JAKMIP2: variants seen among roughly 807,000 people sequenced by gnomAD.
The protein encoded by JAKMIP2 is janus kinase and microtubule interacting protein 2.
A neutral mutation model predicts 115.0 loss-of-function variants in JAKMIP2; 25 were observed. The observed-to-expected ratio is 0.22, with a 90% CI of 0.16 to 0.30. JAKMIP2 has a LOEUF of 0.30. Among genes scored for constraint, JAKMIP2 ranks in the 10% least tolerant of loss-of-function variants. The probability of loss-of-function intolerance (pLI) is 1.00; values close to 1 mark genes in which losing one functional copy is unlikely to be tolerated. For synonymous variants in JAKMIP2, 334 were observed against 343.6 expected (o/e 0.97, Z 0.31); for missense variants, 642 against 957.6 (o/e 0.67, Z 4.35).
intron 1 of JAKMIP2, among the ~76,000 whole-genome samples, chr5:147,678,498 A>T (rs1376985299): frequency 6.6e-6 from 1 of 152,240 alleles, no homozygotes; most frequent in African/African-American, 2.4e-5. Context: ...ATAGTACTTT[A>T]TACCACATTC....
intron 1 of JAKMIP2, among the ~76,000 whole-genome samples, chr5:147,740,060 A>G (rs561786060): frequency 6.6e-6 from 1 of 152,342 alleles, no homozygotes; most frequent in African/African-American, 2.4e-5. Context: ...TCCTTTTTAA[A>G]TCAACTGGAA....
chr5:147,657,673 C>G (rs1340062194), intron 3 of JAKMIP2, among the ~76,000 whole-genome samples: 1 of 151,974 alleles, frequency 6.6e-6, no homozygotes, highest in African/African-American at 2.4e-5. Context: ...TAACATAGTC[C>G]CATATTTCTT....
chr5:147,603,810 T>C (rs1487664863), intron 20 of JAKMIP2, among the ~76,000 whole-genome samples: 3 of 152,226 alleles, frequency 2.0e-5, no homozygotes, highest in Admixed American at 6.5e-5. Flanking sequence ...AAAGTTTACA[T>C]TGAATTCCAA....
intron 1 of JAKMIP2, among the ~76,000 whole-genome samples, chr5:147,679,082 A>G (rs12652270): frequency 0.17 from 25,621 of 151,728 alleles, 2,765 homozygotes; most frequent in East Asian, 0.45. Context: ...CCAGGTTCAA[A>G]TAATTCTCAC....
At chr5:147,677,241 G>T (rs537885570) in intron 1 of JAKMIP2, among the ~76,000 whole-genome samples, 1 of 152,160 alleles carries the variant, frequency 6.6e-6, no homozygotes, top group African/African-American at 2.4e-5. Flanking sequence ...AGCTCACGAC[G>T]CAAGAACTAA....
intron 20 of JAKMIP2, among the ~76,000 whole-genome samples, chr5:147,602,085 C>T (rs1755725559): frequency 6.6e-6 from 1 of 152,104 alleles, no homozygotes; most frequent in African/African-American, 2.4e-5. Flanking sequence ...AAAATAAGCA[C>T]AGAGCAGTAA....
chr5:147,623,285 A>G (rs570612892), intron 17 of JAKMIP2, among the ~76,000 whole-genome samples: 1 of 150,822 alleles, frequency 6.6e-6, no homozygotes, highest in South Asian at 2.1e-4. Context: ...GGGATTTTTA[A>G]AATCAGAGTT....
intron 1 of JAKMIP2, among the ~76,000 whole-genome samples, chr5:147,735,428 G>C (rs553202635): frequency 6.6e-6 from 1 of 152,284 alleles, no homozygotes; most frequent in Admixed American, 6.5e-5. Context: ...AAGGTGGAAG[G>C]TAAATGAGGA....
At chr5:147,664,660 C>T (rs959895645) in intron 2 of JAKMIP2, among the ~76,000 whole-genome samples, 1 of 152,118 alleles carries the variant, frequency 6.6e-6, no homozygotes, top group Non-Finnish European at 1.5e-5. Context: ...GAAACACCTC[C>T]TTAGTAGCGG....
At chr5:147,628,673 G>T in intron 16 of JAKMIP2, 78 bp downstream of exon 16, 3 of 1,043,128 alleles carry the variant, frequency 2.9e-6, no homozygotes, top group Non-Finnish European at 4.5e-6. Context: ...CAGAGGGAAT[G>T]TCCTTCACAC....
chr5:147,630,627 A>C (rs1757311694), intron 14 of JAKMIP2, among the ~76,000 whole-genome samples: 1 of 152,168 alleles, frequency 6.6e-6, no homozygotes, highest in Non-Finnish European at 1.5e-5. Context: ...CCACCAGGAA[A>C]GGGAAAGTCT....
chr5:147,753,275 T>C (rs549153921), intron 1 of JAKMIP2, among the ~76,000 whole-genome samples: 7 of 152,304 alleles, frequency 4.6e-5, no homozygotes, highest in African/African-American at 1.7e-4. Context: ...GTAAGGCACT[T>C]AATACAAGTT....
At chr5:147,674,199 T>C (rs1759797785) in intron 1 of JAKMIP2, among the ~76,000 whole-genome samples, 1 of 152,210 alleles carries the variant, frequency 6.6e-6, no homozygotes, top group Admixed American at 6.5e-5. Context: ...GTCCCAGATA[T>C]AAGCCTAGAA....
At chr5:147,721,084 G>A (rs1341884117) in intron 1 of JAKMIP2, among the ~76,000 whole-genome samples, 1 of 151,994 alleles carries the variant, frequency 6.6e-6, no homozygotes, top group East Asian at 1.9e-4. Flanking sequence ...ACCCTCAGCT[G>A]CAGGTCTGTT....
Position 147,595,274 on chromosome 5 carries a change from T to A in JAKMIP2, c.*21-3588A>T, listed in dbSNP as rs548471508. 3.3e-5 allele frequency among the ~76,000 whole-genome samples: 5 copies of A among 152,288 alleles called. No individual in the cohort carries two copies. In the South Asian group the frequency reaches 1.0e-3, roughly 32 times the overall value. On this transcript the variant is annotated intron_variant, in intron 21 of 21. Coordinates refer to ENST00000616793, the MANE Select transcript of JAKMIP2 (RefSeq NM_001270941.2). Reference sequence around the variant, plus strand: ...CTCCAAAATTCATGCTGAAAGTTAATCCCCAGTGCAAGAGTATTAACAGGT... The same window carrying A: ...CTCCAAAATTCATGCTGAAAGTTAAACCCCAGTGCAAGAGTATTAACAGGT...
chr5:147,664,151 T>C (rs189184390), intron 2 of JAKMIP2, among the ~76,000 whole-genome samples: 1 of 152,364 alleles, frequency 6.6e-6, no homozygotes, highest in East Asian at 1.9e-4. Context: ...AATTCACAGA[T>C]ATGGCTTGCA....
Position 147,640,834 on chromosome 5 carries a change from G to C in JAKMIP2, c.1282-11C>G. 6.2e-7 allele frequency: 1 copy of C among 1,608,586 alleles called. No homozygotes were observed. Among genetic ancestry groups the C allele is most frequent in the Non-Finnish European group, 8.5e-7 (1 of 1,178,314 alleles). ...GTCCAAAACAGGCCTCTAAATGGAG[G>C]GAAAGTACCTATTTACTGACATAGC... On this transcript the variant is annotated splice_polypyrimidine_tract_variant and intron_variant, in intron 8 of 21. Coordinates refer to ENST00000616793, the MANE Select transcript of JAKMIP2 (RefSeq NM_001270941.2).
At chr5:147,731,851 C>A (rs1383164355) in intron 1 of JAKMIP2, among the ~76,000 whole-genome samples, 6 of 152,176 alleles carry the variant, frequency 3.9e-5, no homozygotes, top group African/African-American at 1.4e-4. Context: ...GGTATCATGG[C>A]AGAAACCCGA....
At chr5:147,771,534 T>C (rs1755353625) in intron 1 of JAKMIP2, among the ~76,000 whole-genome samples, 1 of 152,138 alleles carries the variant, frequency 6.6e-6, no homozygotes, top group Non-Finnish European at 1.5e-5. Flanking sequence ...TCCTATTTGC[T>C]AATATAAACA....
Sources: gnomAD v4.1 joint callset for allele counts (sites outside exome capture counted in the v4.1 genomes callset) on GRCh38, gnomAD v4.1.1 for gene constraint, MANE v1.5 for transcripts, NCBI Gene and HGNC (gene_info 2026-07-23, HGNC 2026-07-21) for gene names.